Variants in TRMT11 observed in about 807,000 individuals in gnomAD.
TRMT11 encodes the protein tRNA (guanine(10)-N(2))-methyltransferase TRMT11.
A neutral mutation model predicts 62.8 loss-of-function variants in TRMT11; 53 were observed. The observed-to-expected ratio is 0.84, with a 90% CI of 0.68 to 1.06. The LOEUF is 1.06. Ranked by LOEUF, TRMT11 falls within the 50% of genes least tolerant of loss-of-function variation. The pLI, the probability that TRMT11 is intolerant of heterozygous loss-of-function variation, is 0.00. For synonymous variants in TRMT11, 188 were observed against 190.3 expected, an observed-to-expected ratio of 0.99 and a Z score of 0.10; for missense variants, 556 against 553.4, an observed-to-expected ratio of 1.00 and a Z score of -0.05.
At chr6:126,226,487 G>A in the TRMT11 span, among the ~76,000 whole-genome samples, 7 of 151,740 alleles carry the variant, frequency 4.6e-5, no homozygotes, top group South Asian at 4.2e-4. Flanking sequence ...TTCTGTGCTC[G>A]CATTAAAGAA....
chr6:126,163,750 C>T (rs1266402072), intron 21 of TRMT11, among the ~76,000 whole-genome samples: 1 of 149,792 alleles, frequency 6.7e-6, no homozygotes, highest in East Asian at 2.0e-4. Flanking sequence ...GGTCTATTCA[C>T]TTCTATGCAT....
Position 125,998,699 on chromosome 6 carries a change from T to C in TRMT11, c.522+15T>C. 1 of 1,608,156 alleles carries C rather than the reference T, an allele frequency of 6.2e-7. No homozygotes were observed. Among genetic ancestry groups the C allele is most frequent in the East Asian group, 2.2e-5 (1 of 44,756 alleles). On this transcript the variant is annotated intron_variant, in intron 6 of 12. Transcript: ENST00000334379. ...TTGGTAGATGGGTGAGCAAGTTTTC[T>C]TTCTACCTATGTCAGTTTGTTTTTT...
At chr6:126,161,931 A>G (rs1220084949) in intron 21 of TRMT11, among the ~76,000 whole-genome samples, 1 of 148,368 alleles carries the variant, frequency 6.7e-6, no homozygotes, top group Non-Finnish European at 1.5e-5. Flanking sequence ...TTTGATGGAT[A>G]TCAAAAGTGG....
At chr6:126,244,434 A>G in the TRMT11 span, among the ~76,000 whole-genome samples, 1 of 152,156 alleles carries the variant, frequency 6.6e-6, no homozygotes, top group African/African-American at 2.4e-5. Flanking sequence ...AGAAGGGCAA[A>G]GATTTCCTAC....
At chr6:126,196,618 TA>T (rs1056941348) in intron 1 of TRMT11, among the ~76,000 whole-genome samples, 33 of 151,956 alleles carry the variant, frequency 2.2e-4, no homozygotes, top group Non-Finnish European at 8.8e-5. Context: ...AATTTAAAAT[TA>T]AAAAATATTT....
downstream of TRMT11, among the ~76,000 whole-genome samples, chr6:126,040,108 G>T (rs186711627): frequency 6.6e-6 from 1 of 152,134 alleles, no homozygotes; most frequent in African/African-American, 2.4e-5. Context: ...ATGTTTCGAG[G>T]TTATATGGGA....
chr6:126,215,407 T>A, the TRMT11 span, among the ~76,000 whole-genome samples: 7 of 151,908 alleles, frequency 4.6e-5, no homozygotes, highest in African/African-American at 1.7e-4. Context: ...TTTTAAGCTC[T>A]TGCTGAATTG....
chr6:126,260,400 CTGT>C, the TRMT11 span, among the ~76,000 whole-genome samples: 1 of 152,144 alleles, frequency 6.6e-6, no homozygotes, highest in Admixed American at 6.5e-5. Context: ...CTAATTGTAA[CTGT>C]TGTTGTCGTT....
chr6:126,216,444 T>A, the TRMT11 span, among the ~76,000 whole-genome samples: 1 of 152,128 alleles, frequency 6.6e-6, no homozygotes, highest in Non-Finnish European at 1.5e-5. Context: ...ATTTTTCAAT[T>A]TTCTTCTTAA....
At position 126,037,199 on chromosome 6, in the gene TRMT11, C is replaced by T. The variant is rs139582886; in HGVS notation, c.1261-1506C>T. 4.4e-3 allele frequency among the ~76,000 whole-genome samples: 674 copies of T among 152,114 alleles called. 3 individuals are homozygous for T. Among genetic ancestry groups the T allele is most frequent in the South Asian group, 0.019 (91 of 4,814 alleles). On this transcript the variant is annotated intron_variant, in intron 12 of 12. Transcript: ENST00000334379. ...GTGCAGTCTTTAGAGTCAAACAGATCTGTGTTCAAAGCCTAGCTCTGCCAC... is the reference window on the plus strand; with the variant it reads ...GTGCAGTCTTTAGAGTCAAACAGATTTGTGTTCAAAGCCTAGCTCTGCCAC...
intron 1 of TRMT11, among the ~76,000 whole-genome samples, chr6:125,987,743 A>G (rs992956025): frequency 1.3e-5 from 2 of 152,230 alleles, no homozygotes; most frequent in Non-Finnish European, 2.9e-5. Flanking sequence ...GGCACCAGTC[A>G]GGTATGACTC....
chr6:126,122,070 T>C (rs10457476), intron 21 of TRMT11, among the ~76,000 whole-genome samples: 65,290 of 151,886 alleles, frequency 0.43, 15,496 homozygotes, highest in African/African-American at 0.64. Flanking sequence ...ATAAGTCTCA[T>C]GAGATCTGAT....
At chr6:126,247,521 TATAA>T in the TRMT11 span, among the ~76,000 whole-genome samples, 2 of 146,278 alleles carry the variant, frequency 1.4e-5, no homozygotes, top group Non-Finnish European at 3.0e-5. Context: ...TATATAAATA[TATAA>T]ATAAATATAT....
At chr6:126,171,194 G>A (rs1053707394) in intron 21 of TRMT11, among the ~76,000 whole-genome samples, 10 of 152,218 alleles carry the variant, frequency 6.6e-5, no homozygotes, top group African/African-American at 1.7e-4. Context: ...GATAACTATC[G>A]AAGGAGGCTA....
intron 1 of TRMT11, among the ~76,000 whole-genome samples, chr6:126,179,019 G>A (rs1487689380): frequency 6.6e-6 from 1 of 151,998 alleles, no homozygotes; most frequent in Non-Finnish European, 1.5e-5. Flanking sequence ...GTGATTGGAG[G>A]AATCTAATTT....
the TRMT11 span, among the ~76,000 whole-genome samples, chr6:126,248,903 C>T: frequency 2.0e-5 from 3 of 152,066 alleles, no homozygotes; most frequent in Non-Finnish European, 4.4e-5. Context: ...ATTTTTACAT[C>T]GAAAGAAATC....
At chr6:126,188,572 GTGATT>G (rs1470260659) in intron 1 of TRMT11, among the ~76,000 whole-genome samples, 1 of 152,052 alleles carries the variant, frequency 6.6e-6, no homozygotes, top group Non-Finnish European at 1.5e-5. Flanking sequence ...TCTATTCAAA[GTGATT>G]TGATTTATGT....
At position 126,133,905 on chromosome 6, in the gene TRMT11, AT is replaced by A. The variant is rs769702288; in HGVS notation, c.*1823+18052del. On this transcript the variant is annotated intron_variant and NMD_transcript_variant, in intron 21 of 22. Coordinates refer to the TRMT11 transcript ENST00000648977. ...ACTACCCTTTCTCAATAAAAAAAAA[AT>A]TACTACAACATTTTCCATAGGCCCC... Among the ~76,000 whole-genome samples, 406 of 152,004 alleles carry A rather than the reference AT, an allele frequency of 2.7e-3. 5 individuals are homozygous for A. The highest frequency in any genetic ancestry group is 2.3e-3 in the Non-Finnish European group (155 of 67,906).
At chr6:126,261,218 T>C in the TRMT11 span, among the ~76,000 whole-genome samples, 58 of 152,302 alleles carry the variant, frequency 3.8e-4, no homozygotes, top group African/African-American at 1.3e-3. Context: ...AAGCTCTCAA[T>C]TGTAGTTTTT....
Sources: gnomAD v4.1 joint callset for allele counts (sites outside exome capture counted in the v4.1 genomes callset) on GRCh38, gnomAD v4.1.1 for gene constraint, MANE v1.5 for transcripts, NCBI Gene and HGNC (gene_info 2026-07-23, HGNC 2026-07-21) for gene names.